ELF2: variants seen among roughly 807,000 people sequenced by gnomAD.
ELF2 encodes ETS-related transcription factor Elf-2.
Under a neutral mutation model 54.8 loss-of-function variants are expected in ELF2, and 11 were observed. That is an observed-to-expected ratio of 0.20 (90% CI 0.13 to 0.33). ELF2 has a LOEUF of 0.33. Ranked by LOEUF, ELF2 falls within the 10% of genes least tolerant of loss-of-function variation. The probability of loss-of-function intolerance (pLI) is 1.00; values close to 1 mark genes in which losing one functional copy is unlikely to be tolerated. For synonymous variants in ELF2, 203 were observed against 245.1 expected (o/e 0.83, Z 1.61); for missense variants, 513 against 703.0 (o/e 0.73, Z 3.06).
intron 1 of ELF2, among the ~76,000 whole-genome samples, chr4:139,162,915 G>A (rs1292796863): frequency 1.3e-5 from 2 of 151,834 alleles, no homozygotes; most frequent in African/African-American, 4.8e-5. Context: ...TGAGCAACAC[G>A]GCAAGACTCT....
intron 4 of ELF2, chr4:139,102,455 G>C (rs1002680378): frequency 2.0e-5 from 3 of 151,834 alleles, no homozygotes; most frequent in Non-Finnish European, 4.4e-5. Context: ...CAGGAGAATT[G>C]TTTGAACCCA....
chr4:139,121,209 C>G (rs1027411528), intron 4 of ELF2, among the ~76,000 whole-genome samples: 2 of 146,822 alleles, frequency 1.4e-5, no homozygotes, highest in African/African-American at 5.0e-5. Flanking sequence ...CCCGGGTTCA[C>G]GCCATTCTCC....
intron 4 of ELF2, among the ~76,000 whole-genome samples, chr4:139,103,778 G>A (rs924907950): frequency 5.9e-5 from 9 of 152,176 alleles, no homozygotes; most frequent in African/African-American, 1.9e-4. Flanking sequence ...TTTATTGGTC[G>A]GGAGAAATCC....
rs1008967871 is a variant in ELF2 at position 139,058,969 on chromosome 4, G to A, written c.*14C>T. The A allele has an allele frequency of 7.5e-6, 12 of 1,589,772 alleles. No homozygotes were observed. The African/African-American group carries it at 8.1e-5, about 11-fold the overall frequency. On this transcript the variant is annotated 3_prime_UTR_variant, in exon 10 of 10. Coordinates refer to ENST00000686138, the MANE Select transcript of ELF2 (RefSeq NM_001331036.3). ...TGCCACTAACAGCCTGAAGTCCATG[G>A]TGGAGCTGCTATTTTATTTCTCACA...
chr4:139,152,140 G>C (rs933045732), intron 1 of ELF2, among the ~76,000 whole-genome samples: 1 of 152,120 alleles, frequency 6.6e-6, no homozygotes, highest in Non-Finnish European at 1.5e-5. Context: ...CTTCATTGTG[G>C]TGGTGACTGC....
intron 4 of ELF2, among the ~76,000 whole-genome samples, chr4:139,078,504 C>T (rs866152346): frequency 1.3e-5 from 2 of 151,156 alleles, no homozygotes; most frequent in Middle Eastern, 3.4e-3. Flanking sequence ...CCATCTTCAC[C>T]TTTTCCCCCT....
rs772079635 is a variant in ELF2 at position 139,148,316 on chromosome 4, ATTTTTTTTTTTTTT to A, written c.-251-8833_-251-8820del. 4.8e-4 allele frequency among the ~76,000 whole-genome samples: 31 copies of A among 64,564 alleles called. No homozygotes were observed. The South Asian group carries it at 6.5e-3, about 14-fold the overall frequency. The allele number at this position is 64,564 out of a possible 152,430, so 42.4% of individuals were successfully genotyped here. On this transcript the variant is annotated intron_variant, in intron 1 of 9. Transcript: ENST00000686138. ...AGACAGGTGAAGTCATACCTGGCTA[ATTTTTTTTTTTTTT>A]TTTTTTTTTTTTTTTTTGTAGAGAC...
At chr4:139,148,026 T>A (rs1578924772) in intron 1 of ELF2, among the ~76,000 whole-genome samples, 1 of 149,932 alleles carries the variant, frequency 6.7e-6, no homozygotes, top group Non-Finnish European at 1.5e-5. Context: ...CTTCAGGTGA[T>A]CCGCCTGCCT....
At chr4:139,139,305 G>T in intron 2 of ELF2, 108 bp downstream of exon 2, 1 of 520,572 alleles carries the variant, frequency 1.9e-6, no homozygotes, top group Non-Finnish European at 2.8e-6. Context: ...GAAAGTCTTT[G>T]TATCTTAAGA....
At chr4:139,075,063 G>A (rs1302051952) in intron 4 of ELF2, among the ~76,000 whole-genome samples, 2 of 152,190 alleles carry the variant, frequency 1.3e-5, no homozygotes, top group Non-Finnish European at 2.9e-5. Flanking sequence ...GAGCCTCAGT[G>A]GGTTTTAACC....
chr4:139,084,509 C>A (rs998781376), intron 4 of ELF2: 2 of 825,878 alleles, frequency 2.4e-6, no homozygotes, highest in East Asian at 7.8e-5. Flanking sequence ...CCTTCCGCCC[C>A]GCGCCCAAAC....
intron 7 of ELF2, among the ~76,000 whole-genome samples, chr4:139,063,306 A>T (rs970392264): frequency 1.3e-5 from 2 of 152,150 alleles, no homozygotes; most frequent in Admixed American, 6.6e-5. Flanking sequence ...AAACAGATTT[A>T]AAAAAATTTT....
intron 1 of ELF2, among the ~76,000 whole-genome samples, chr4:139,174,785 T>G (rs957161009): frequency 6.6e-6 from 1 of 152,196 alleles, no homozygotes. Flanking sequence ...CTATGTCAGT[T>G]TTATTCATTT....
At chr4:139,064,606 G>A (rs765559774) in intron 7 of ELF2, among the ~76,000 whole-genome samples, 5 of 152,214 alleles carry the variant, frequency 3.3e-5, no homozygotes, top group Non-Finnish European at 7.4e-5. Context: ...TCGGCCGGGC[G>A]TGTTGGCTCA....
chr4:139,110,100 C>T (rs147234088), intron 4 of ELF2, among the ~76,000 whole-genome samples: 1 of 152,278 alleles, frequency 6.6e-6, no homozygotes, highest in Non-Finnish European at 1.5e-5. Flanking sequence ...CTAGCCATAT[C>T]AACTAATCAG....
intron 4 of ELF2, among the ~76,000 whole-genome samples, chr4:139,081,785 G>A (rs1431743516): frequency 6.6e-6 from 1 of 152,096 alleles, no homozygotes; most frequent in Admixed American, 6.5e-5. Context: ...AATAAACCTT[G>A]GGTAAAAGAG....
intron 4 of ELF2, among the ~76,000 whole-genome samples, chr4:139,106,326 A>G (rs1734399868): frequency 6.6e-6 from 1 of 151,904 alleles, no homozygotes; most frequent in African/African-American, 2.4e-5. Flanking sequence ...GATCCCTAGT[A>G]TGGATTATTA....
Position 139,170,994 on chromosome 4 carries a change from C to A in ELF2, c.-252+5973G>T, listed in dbSNP as rs527592562. Among the ~76,000 whole-genome samples the A allele has an allele frequency of 1.9e-4, 29 of 152,186 alleles. No homozygotes were observed. The South Asian group carries it at 5.8e-3, about 30-fold the overall frequency. ...CTCCTGACCTCAGGTGATCCACCCA[C>A]CTCAGCCTCCCAAAGTGCTGGGGTT... On this transcript the variant is annotated intron_variant, in intron 1 of 9. Coordinates refer to ENST00000686138, the MANE Select transcript of ELF2 (RefSeq NM_001331036.3).
intron 7 of ELF2, among the ~76,000 whole-genome samples, chr4:139,064,060 G>C (rs1274996600): frequency 6.6e-6 from 1 of 152,226 alleles, no homozygotes; most frequent in Non-Finnish European, 1.5e-5. Flanking sequence ...TGTAATCCCA[G>C]CATTTTGGGA....
Sources: allele counts gnomAD v4.1 joint callset (sites outside exome capture counted in the v4.1 genomes callset), GRCh38; gene constraint gnomAD v4.1.1; transcripts MANE v1.5; gene names NCBI Gene and HGNC (gene_info 2026-07-23, HGNC 2026-07-21).